The following LRMDA variants were observed in gnomAD, a reference collection of about 807,000 sequenced individuals.
LRMDA encodes the protein leucine-rich melanocyte differentiation-associated protein.
A neutral mutation model predicts 29.8 loss-of-function variants in LRMDA; 18 were observed. The observed-to-expected ratio is 0.60, with a 90% CI of 0.42 to 0.90. The LOEUF (loss-of-function observed/expected upper bound fraction) is 0.90. Among genes scored for constraint, LRMDA ranks in the 40% least tolerant of loss-of-function variants. LRMDA has a pLI of 0.00. For synonymous variants in LRMDA, 125 were observed against 109.4 expected (o/e 1.14, Z -0.89); for missense variants, 273 against 273.9 (o/e 1.00, Z 0.02).
intron 5 of LRMDA, among the ~76,000 whole-genome samples, chr10:76,168,168 C>T (rs1850774483): frequency 6.6e-6 from 1 of 152,188 alleles, no homozygotes; most frequent in African/African-American, 2.4e-5. Flanking sequence ...TCTCTCTCCT[C>T]TTCCATAGAA....
chr10:75,431,643 G>A lies in LRMDA; in HGVS notation c.-82G>A. ...CTGCCCAGTGCGGAACTGTGCGCCC[G>A]CCGCGCTCCCCTGCCGCGCTCCCCG... On this transcript the variant is annotated 5_prime_UTR_variant, in exon 1 of 7. Transcript: ENST00000611255. 1.7e-6 allele frequency: 2 copies of A among 1,170,692 alleles called. No individual in the cohort carries two copies. Among genetic ancestry groups the A allele is most frequent in the Non-Finnish European group, 2.1e-6 (2 of 943,734 alleles). 72.5% of individuals were successfully genotyped at this position (1,170,692 alleles called of 1,614,324 possible). A position where few individuals can be genotyped will look rare whatever the true frequency, so the allele number is the denominator to read the frequency against.
intron 2 of LRMDA, among the ~76,000 whole-genome samples, chr10:75,579,369 C>A (rs1337733672): frequency 6.6e-6 from 1 of 152,114 alleles, no homozygotes; most frequent in Admixed American, 6.5e-5. Flanking sequence ...AAGACTAAAC[C>A]AGGAAGAAGT....
intron 6 of LRMDA, among the ~76,000 whole-genome samples, chr10:76,528,146 G>A (rs919126095): frequency 6.6e-6 from 1 of 152,092 alleles, no homozygotes; most frequent in African/African-American, 2.4e-5. Context: ...GAGGCTAGAT[G>A]CATTCACTTA....
intron 2 of LRMDA, among the ~76,000 whole-genome samples, chr10:75,577,311 G>C (rs377136675): frequency 9.9e-5 from 15 of 152,054 alleles, no homozygotes; most frequent in African/African-American, 3.6e-4. Context: ...TCAACTCAAT[G>C]AAATAAAGTG....
intron 2 of LRMDA, among the ~76,000 whole-genome samples, chr10:75,903,775 G>T (rs906155144): frequency 6.6e-6 from 1 of 152,194 alleles, no homozygotes; most frequent in African/African-American, 2.4e-5. Context: ...TTCAGAACAT[G>T]TGGGGCCGGG....
intron 2 of LRMDA, among the ~76,000 whole-genome samples, chr10:75,557,414 A>G (rs1425661174): frequency 3.3e-5 from 5 of 152,220 alleles, no homozygotes; most frequent in Non-Finnish European, 7.3e-5. Flanking sequence ...AATGAGACCA[A>G]TAAAGCCTGA....
At chr10:76,246,245 G>A (rs1852374403) in intron 5 of LRMDA, among the ~76,000 whole-genome samples, 1 of 152,160 alleles carries the variant, frequency 6.6e-6, no homozygotes, top group Non-Finnish European at 1.5e-5. Flanking sequence ...GGTGAGTTTG[G>A]TCTGAAATGG....
intron 4 of LRMDA, among the ~76,000 whole-genome samples, chr10:76,054,285 G>A (rs960255001): frequency 6.6e-6 from 1 of 152,134 alleles, no homozygotes; most frequent in Non-Finnish European, 1.5e-5. Context: ...AACCCAGGCT[G>A]GCCCACGGGA....
chr10:75,470,273 G>A lies in LRMDA; in HGVS notation c.131+31779G>A, dbSNP rs138737677. 7.9e-4 allele frequency among the ~76,000 whole-genome samples: 121 copies of A among 152,330 alleles called. No homozygotes were observed. The East Asian group carries it at 0.017, about 21-fold the overall frequency. ...GCACTTTGGGAGGCCGAGGCAGGCA[G>A]ATCACTTGAGGACAGGAATTTGAGA... On this transcript the variant is annotated intron_variant, in intron 2 of 6. Coordinates refer to ENST00000611255, the MANE Select transcript of LRMDA (RefSeq NM_001305581.2).
chr10:75,701,585 C>T lies in LRMDA; in HGVS notation c.131+263091C>T, dbSNP rs985779423. Among the ~76,000 whole-genome samples the T allele has an allele frequency of 4.6e-5, 7 of 152,096 alleles. No homozygotes were observed. The East Asian group carries it at 1.2e-3, about 25-fold the overall frequency. ...AATGACAGGAAAATAGCCAGTGGGT[C>T]GGTGGGTGCTGAAGGGAGGTAATAA... On this transcript the variant is annotated intron_variant, in intron 2 of 6. Transcript: ENST00000611255.
intron 2 of LRMDA, among the ~76,000 whole-genome samples, chr10:75,703,675 A>G (rs1033286871): frequency 6.6e-5 from 10 of 152,196 alleles, no homozygotes; most frequent in African/African-American, 2.4e-4. Flanking sequence ...ACAGCTGGGT[A>G]CCTATTAACA....
chr10:76,515,277 C>T (rs973267689), intron 6 of LRMDA, among the ~76,000 whole-genome samples: 1 of 152,096 alleles, frequency 6.6e-6, no homozygotes, highest in Non-Finnish European at 1.5e-5. Context: ...TAAAGCATTT[C>T]TGAATTAGCT....
intron 5 of LRMDA, among the ~76,000 whole-genome samples, chr10:76,168,764 T>G (rs1174945925): frequency 6.6e-6 from 1 of 152,200 alleles, no homozygotes; most frequent in East Asian, 1.9e-4. Flanking sequence ...TTGGTAAAAG[T>G]TGTCAGATCT....
intron 2 of LRMDA, among the ~76,000 whole-genome samples, chr10:75,762,821 T>G (rs1843114992): frequency 6.6e-6 from 1 of 152,204 alleles, no homozygotes; most frequent in African/African-American, 2.4e-5. Flanking sequence ...GTCTCATATA[T>G]ATATGAGACC....
intron 2 of LRMDA, among the ~76,000 whole-genome samples, chr10:75,932,384 A>G (rs975010322): frequency 6.6e-6 from 1 of 152,194 alleles, no homozygotes; most frequent in African/African-American, 2.4e-5. Flanking sequence ...AAGCTGAGGC[A>G]GGAGGACAGC....
At chr10:75,697,568 T>A (rs1842251429) in intron 2 of LRMDA, among the ~76,000 whole-genome samples, 1 of 151,932 alleles carries the variant, frequency 6.6e-6, no homozygotes, top group Non-Finnish European at 1.5e-5. Context: ...GCATGTGTTA[T>A]AACCCAGGAT....
intron 5 of LRMDA, among the ~76,000 whole-genome samples, chr10:76,304,606 A>G (rs1272382795): frequency 6.6e-6 from 1 of 152,148 alleles, no homozygotes. Flanking sequence ...GCCTGGGAAG[A>G]TGTGGACTTA....
At chr10:75,843,444 T>C (rs755315579) in intron 2 of LRMDA, among the ~76,000 whole-genome samples, 6 of 152,224 alleles carry the variant, frequency 3.9e-5, no homozygotes, top group Admixed American at 1.3e-4. Flanking sequence ...AGCATTGGCT[T>C]AGGGGTCCTG....
intron 2 of LRMDA, among the ~76,000 whole-genome samples, chr10:75,842,914 G>A (rs1441534518): frequency 6.6e-6 from 1 of 152,078 alleles, no homozygotes; most frequent in Non-Finnish European, 1.5e-5. Context: ...CCAGCTACTG[G>A]GAAGGCTGAA....
Sources: allele counts gnomAD v4.1 joint callset (sites outside exome capture counted in the v4.1 genomes callset), GRCh38; gene constraint gnomAD v4.1.1; transcripts MANE v1.5; gene names NCBI Gene and HGNC (gene_info 2026-07-23, HGNC 2026-07-21).